The following CLSTN2 variants were observed in gnomAD, a reference collection of about 807,000 sequenced individuals.
The protein encoded by CLSTN2 is calsyntenin-2.
In CLSTN2, 48 loss-of-function variants were observed where a neutral mutation model predicts 101.2. That is an observed-to-expected ratio of 0.47 (90% confidence interval 0.38 to 0.60). The LOEUF is 0.60. CLSTN2 is among the 20% of genes least tolerant of loss of function. The pLI, the probability that CLSTN2 is intolerant of heterozygous loss-of-function variation, is 0.00. For synonymous variants in CLSTN2, 481 were observed against 463.6 expected (o/e 1.04, Z -0.48); for missense variants, 1,160 against 1,238.2 (o/e 0.94, Z 0.95).
intron 1 of CLSTN2, among the ~76,000 whole-genome samples, chr3:140,105,728 G>A (rs1033661250): frequency 6.6e-6 from 1 of 152,164 alleles, no homozygotes; most frequent in African/African-American, 2.4e-5. Context: ...GATAGAGAAG[G>A]CCTCATAGAC....
chr3:140,035,207 A>G (rs1461928766), intron 1 of CLSTN2, among the ~76,000 whole-genome samples: 3 of 152,234 alleles, frequency 2.0e-5, no homozygotes, highest in Non-Finnish European at 4.4e-5. Flanking sequence ...AAGAAACTTT[A>G]ATGGACTCTC....
chr3:140,563,055 T>C (rs769688151), intron 14 of CLSTN2, 25 bp from the exon 15 acceptor site: 89 of 1,613,464 alleles, frequency 5.5e-5, no homozygotes, highest in Non-Finnish European at 7.1e-5. Context: ...CCTGGGTCAA[T>C]AGCACCTCTC....
At chr3:140,502,702 C>T (rs578036100) in intron 8 of CLSTN2, among the ~76,000 whole-genome samples, 12 of 152,028 alleles carry the variant, frequency 7.9e-5, no homozygotes, top group South Asian at 6.3e-4. Flanking sequence ...GCTGATTGGT[C>T]GGGAGAAGTG....
chr3:140,064,101 G>C (rs1479525837), intron 1 of CLSTN2, among the ~76,000 whole-genome samples: 1 of 152,158 alleles, frequency 6.6e-6, no homozygotes, highest in Non-Finnish European at 1.5e-5. Flanking sequence ...GTACTCTGGG[G>C]AGCTGCCTCT....
At chr3:140,284,496 C>T (rs905520934) in intron 2 of CLSTN2, among the ~76,000 whole-genome samples, 1 of 151,998 alleles carries the variant, frequency 6.6e-6, no homozygotes, top group African/African-American at 2.4e-5. Context: ...ATTCACAAAC[C>T]GCAGGGGGTT....
At chr3:140,545,223 G>A (rs750339399) in intron 9 of CLSTN2, among the ~76,000 whole-genome samples, 2 of 152,178 alleles carry the variant, frequency 1.3e-5, no homozygotes, top group Non-Finnish European at 2.9e-5. Flanking sequence ...CAGAGAAGTT[G>A]CAGGGGTGTC....
At chr3:140,403,490 T>G in intron 2 of CLSTN2, 139 bp from the exon 3 acceptor site, 2 of 721,364 alleles carry the variant, frequency 2.8e-6, no homozygotes, top group Non-Finnish European at 4.8e-6. Context: ...ATGCTGATGC[T>G]GCTGGCTCGT....
chr3:140,073,334 A>G (rs1191162589), intron 1 of CLSTN2, among the ~76,000 whole-genome samples: 1 of 152,182 alleles, frequency 6.6e-6, no homozygotes, highest in East Asian at 1.9e-4. Context: ...CCCAGGATGT[A>G]TTTTCTGGTT....
chr3:140,448,289 T>C (rs6439923), intron 5 of CLSTN2, among the ~76,000 whole-genome samples: 75,291 of 151,896 alleles, frequency 0.5, 21,069 homozygotes, highest in African/African-American at 0.76. Context: ...TGTATTCCTA[T>C]GTGGCTCAGT....
At chr3:140,203,460 G>GTTT (rs2010743077) in intron 2 of CLSTN2, among the ~76,000 whole-genome samples, 1 of 127,098 alleles carries the variant, frequency 7.9e-6, no homozygotes, top group Non-Finnish European at 1.7e-5. Context: ...AGAAAGTGTG[G>GTTT]GTTTTTTTTT....
At chr3:140,492,286 G>T (rs936116746) in intron 8 of CLSTN2, among the ~76,000 whole-genome samples, 1 of 152,102 alleles carries the variant, frequency 6.6e-6, no homozygotes, top group African/African-American at 2.4e-5. Flanking sequence ...TGCTAAAGCG[G>T]GCCCAGTAGT....
At chr3:139,981,065 C>T (rs1935908610) in intron 1 of CLSTN2, among the ~76,000 whole-genome samples, 2 of 151,932 alleles carry the variant, frequency 1.3e-5, no homozygotes, top group African/African-American at 4.8e-5. Flanking sequence ...TTTGATTGGG[C>T]AATCAAAGCT....
At chr3:140,520,643 C>G (rs1935004496) in intron 8 of CLSTN2, among the ~76,000 whole-genome samples, 1 of 152,172 alleles carries the variant, frequency 6.6e-6, no homozygotes, top group African/African-American at 2.4e-5. Flanking sequence ...TATCAAGAGT[C>G]TTGGGTTGAT....
rs373570319 is a variant in CLSTN2 at position 140,476,693 on chromosome 3, C to T, written c.1344+9962C>T. Among the ~76,000 whole-genome samples, 236 of 142,982 alleles carry T rather than the reference C, an allele frequency of 1.7e-3. 2 individuals are homozygous for T. The highest frequency in any genetic ancestry group is 6.1e-3 in the African/African-American group (226 of 37,226). The allele number at this position is 142,982 out of a possible 152,430, so 93.8% of individuals were successfully genotyped here. On this transcript the variant is annotated intron_variant, in intron 8 of 16. Coordinates refer to ENST00000458420, the MANE Select transcript of CLSTN2 (RefSeq NM_022131.3). ...TTTTTTTCCTGATATGGAGTCTCGC[C>T]TGTGGTCCAGACTGGAGTGCAGTGG...
chr3:140,514,858 G>A (rs943710707), intron 8 of CLSTN2, among the ~76,000 whole-genome samples: 27 of 152,096 alleles, frequency 1.8e-4, no homozygotes, highest in Non-Finnish European at 3.4e-4. Flanking sequence ...ATTGCATGGT[G>A]GTTTAGATAT....
At chr3:140,171,176 G>T (rs1201683175) in intron 1 of CLSTN2, among the ~76,000 whole-genome samples, 1 of 152,114 alleles carries the variant, frequency 6.6e-6, no homozygotes, top group Non-Finnish European at 1.5e-5. Context: ...GGACAGCCCA[G>T]TGTGGTTATA....
At chr3:140,300,238 G>A (rs1190827452) in intron 2 of CLSTN2, among the ~76,000 whole-genome samples, 1 of 152,208 alleles carries the variant, frequency 6.6e-6, no homozygotes, top group Non-Finnish European at 1.5e-5. Flanking sequence ...ATGCAGGGCT[G>A]GGCAGAGATT....
chr3:140,027,154 G>A (rs1220095251), intron 1 of CLSTN2, among the ~76,000 whole-genome samples: 1 of 152,218 alleles, frequency 6.6e-6, no homozygotes, highest in African/African-American at 2.4e-5. Context: ...CAGGCCAAGT[G>A]GAGGGGCAGG....
intron 1 of CLSTN2, among the ~76,000 whole-genome samples, chr3:140,047,708 C>T (rs563765760): frequency 2.6e-4 from 39 of 152,288 alleles, no homozygotes; most frequent in Admixed American, 9.8e-4. Flanking sequence ...CCCGTGGTGA[C>T]GAGGCTGAGC....
Sources: gnomAD v4.1 joint callset for allele counts (sites outside exome capture counted in the v4.1 genomes callset) on GRCh38, gnomAD v4.1.1 for gene constraint, MANE v1.5 for transcripts, NCBI Gene and HGNC (gene_info 2026-07-23, HGNC 2026-07-21) for gene names.